NEK11: variants seen among roughly 807,000 people sequenced by gnomAD.
NEK11 encodes the protein NIMA related kinase 11.
Under a neutral mutation model 80.7 loss-of-function variants are expected in NEK11, and 72 were observed. The ratio of observed to expected loss-of-function variants is 0.89; its 90% CI spans 0.74 to 1.08. NEK11 has a LOEUF of 1.08. Among genes scored for constraint, NEK11 ranks in the 50% least tolerant of loss-of-function variants. NEK11 has a pLI of 0.00. For missense variants in NEK11, 764 were observed against 763.6 expected (o/e 1.00, Z -0.01); for synonymous variants, 251 against 260.7 (o/e 0.96, Z 0.36).
chr3:131,250,404 ATATT>A (rs1308569424), intron 16 of NEK11, among the ~76,000 whole-genome samples: 5 of 152,106 alleles, frequency 3.3e-5, no homozygotes, highest in Non-Finnish European at 2.9e-5. Flanking sequence ...GAACCTACAA[ATATT>A]TATCTATCCA....
chr3:131,258,444 T>C (rs1461373708), intron 16 of NEK11, among the ~76,000 whole-genome samples: 2 of 152,222 alleles, frequency 1.3e-5, no homozygotes, highest in African/African-American at 4.8e-5. Flanking sequence ...GTTTTGTTTT[T>C]AAAGCTAAAT....
At chr3:131,183,895 C>T (rs2093481271) in intron 14 of NEK11, among the ~76,000 whole-genome samples, 1 of 152,082 alleles carries the variant, frequency 6.6e-6, no homozygotes, top group Non-Finnish European at 1.5e-5. Context: ...ATTTGTATTC[C>T]CACCAACAGT....
At chr3:131,290,552 G>A (rs551731263) in intron 17 of NEK11, among the ~76,000 whole-genome samples, 1 of 152,294 alleles carries the variant, frequency 6.6e-6, no homozygotes, top group Non-Finnish European at 1.5e-5. Flanking sequence ...TGTCTCCTTT[G>A]TCTCTTGCCA....
chr3:131,280,085 C>T (rs978690270), intron 17 of NEK11, among the ~76,000 whole-genome samples: 1 of 152,086 alleles, frequency 6.6e-6, no homozygotes, highest in African/African-American at 2.4e-5. Flanking sequence ...CTAAAAAGCT[C>T]AATAATGGAA....
chr3:131,242,081 C>A (rs1473517279), intron 15 of NEK11, among the ~76,000 whole-genome samples: 5 of 152,152 alleles, frequency 3.3e-5, no homozygotes, highest in Admixed American at 2.6e-4. Flanking sequence ...TCTGACTGGA[C>A]CTTTTGAGAA....
intron 15 of NEK11, among the ~76,000 whole-genome samples, chr3:131,239,357 A>G (rs1480706177): frequency 6.6e-6 from 1 of 152,106 alleles, no homozygotes; most frequent in Non-Finnish European, 1.5e-5. Flanking sequence ...GCTGTGATAG[A>G]AGGTTATGCG....
chr3:131,114,972 G>C (rs548846985), intron 5 of NEK11, among the ~76,000 whole-genome samples: 1 of 152,302 alleles, frequency 6.6e-6, no homozygotes, highest in Admixed American at 6.5e-5. Context: ...TATATATGAT[G>C]GTTGATTTTA....
At chr3:131,127,432 C>T (rs1190332408) in intron 5 of NEK11, among the ~76,000 whole-genome samples, 3 of 150,960 alleles carry the variant, frequency 2.0e-5, no homozygotes, top group Admixed American at 6.6e-5. Context: ...TTAGAATTTC[C>T]ATTTGATTCC....
rs1581220928 is a variant in NEK11, at chr3:131,273,066, G to A, written c.1622-412G>A. Among the ~76,000 whole-genome samples, 6 of 152,246 alleles carry A rather than the reference G, an allele frequency of 3.9e-5. No homozygotes were observed. The South Asian group carries it at 1.2e-3, about 32-fold the overall frequency. On this transcript the variant is annotated intron_variant, in intron 16 of 17. Transcript: ENST00000383366. ...GCTCAGGTATAAGATTAAGATAAAA[G>A]GAAAACTAAGCTTATTAGAAAAATT...
chr3:131,338,574 C>T (rs996784182), intron 17 of NEK11, among the ~76,000 whole-genome samples: 18 of 152,130 alleles, frequency 1.2e-4, no homozygotes, highest in African/African-American at 4.3e-4. Flanking sequence ...TCACAATCTT[C>T]AAAAACTAGG....
At chr3:131,277,035 C>T (rs1581276092) in intron 17 of NEK11, among the ~76,000 whole-genome samples, 1 of 152,138 alleles carries the variant, frequency 6.6e-6, no homozygotes, top group Non-Finnish European at 1.5e-5. Context: ...GTGGGTTTGT[C>T]TGTTGTTTCC....
At chr3:131,339,804 T>C (rs1005232715) in intron 17 of NEK11, among the ~76,000 whole-genome samples, 1 of 152,208 alleles carries the variant, frequency 6.6e-6, no homozygotes, top group African/African-American at 2.4e-5. Flanking sequence ...GCTTTGTTTT[T>C]ACCCAAGAGC....
chr3:131,287,215 T>G (rs2096483927), intron 17 of NEK11, among the ~76,000 whole-genome samples: 1 of 152,142 alleles, frequency 6.6e-6, no homozygotes, highest in Non-Finnish European at 1.5e-5. Context: ...GGGTGTATCA[T>G]GGGAATGGGA....
intron 9 of NEK11, 147 bp from the exon 10 acceptor site, chr3:131,154,889 T>G: frequency 1.8e-6 from 1 of 558,534 alleles, no homozygotes; most frequent in Non-Finnish European, 3.2e-6. Flanking sequence ...TAATTTTACA[T>G]AACCCAGGGA....
intron 17 of NEK11, among the ~76,000 whole-genome samples, chr3:131,333,125 A>C (rs2097122285): frequency 6.6e-6 from 1 of 152,210 alleles, no homozygotes. Context: ...AACACCACAA[A>C]GATACTCCTC....
chr3:131,115,972 TTCTTTCTTTC>T, intron 5 of NEK11, among the ~76,000 whole-genome samples: 1 of 143,062 alleles, frequency 7.0e-6, no homozygotes, highest in Non-Finnish European at 1.6e-5. Flanking sequence ...CTTTCTTTCT[TTCTTTCTTTC>T]TTTCTTTATT....
At chr3:131,207,108 A>G (rs2094463358) in intron 14 of NEK11, among the ~76,000 whole-genome samples, 1 of 152,246 alleles carries the variant, frequency 6.6e-6, no homozygotes, top group South Asian at 2.1e-4. Context: ...GCTATTGTGA[A>G]TAGTGCCACA....
chr3:131,276,712 G>A (rs890019534), intron 17 of NEK11, among the ~76,000 whole-genome samples: 2 of 151,980 alleles, frequency 1.3e-5, no homozygotes, highest in Admixed American at 6.6e-5. Context: ...ATTTAAATGA[G>A]TAGCTTCTAA....
chr3:131,153,956 A>G (rs1398535487), intron 9 of NEK11, among the ~76,000 whole-genome samples: 1 of 152,220 alleles, frequency 6.6e-6, no homozygotes, highest in Non-Finnish European at 1.5e-5. Flanking sequence ...GCCAATGGGA[A>G]GCAACCAGCC....
Sources: gnomAD v4.1 joint callset for allele counts (sites outside exome capture counted in the v4.1 genomes callset) on GRCh38, gnomAD v4.1.1 for gene constraint, MANE v1.5 for transcripts, NCBI Gene and HGNC (gene_info 2026-07-23, HGNC 2026-07-21) for gene names.